The following SS18 variants were observed in gnomAD, a reference collection of about 807,000 sequenced individuals.
SS18 encodes protein SSXT.
A neutral mutation model predicts 72.5 loss-of-function variants in SS18; 28 were observed. The observed-to-expected ratio is 0.39, with a 90% confidence interval of 0.29 to 0.53. The LOEUF (loss-of-function observed/expected upper bound fraction) is 0.53, where lower values mean the gene tolerates loss of function less well. SS18 is among the 20% of genes least tolerant of loss of function. The pLI is 0.76. For missense variants in SS18, 518 were observed against 535.3 expected (o/e 0.97, Z 0.32); for synonymous variants, 172 against 164.2 (o/e 1.05, Z -0.37).
intron 2 of SS18, chr18:26,080,438 T>G (rs765346254): frequency 2.1e-6 from 2 of 955,524 alleles, no homozygotes; most frequent in Non-Finnish European, 2.5e-6. Context: ...AAGAAAAAAT[T>G]TTAGTATCAT....
intron 2 of SS18, among the ~76,000 whole-genome samples, chr18:26,080,927 T>C (rs2054506770): frequency 6.6e-6 from 1 of 151,982 alleles, no homozygotes; most frequent in African/African-American, 2.4e-5. Context: ...CATGGGGAAA[T>C]TAACATTGAT....
intron 5 of SS18, among the ~76,000 whole-genome samples, chr18:26,048,087 C>T (rs556577224): frequency 2.6e-5 from 4 of 152,226 alleles, no homozygotes; most frequent in South Asian, 2.1e-4. Context: ...TACAGTTTTC[C>T]GCTATATATT....
At chr18:26,031,700 G>A (rs1024779177) in intron 10 of SS18, among the ~76,000 whole-genome samples, 1 of 152,128 alleles carries the variant, frequency 6.6e-6, no homozygotes, top group African/African-American at 2.4e-5. Flanking sequence ...CCTAGGATGA[G>A]ATACACTTCT....
chr18:26,087,444 TA>T, intron 2 of SS18, 56 bp downstream of exon 2: 1 of 955,644 alleles, frequency 1.0e-6, no homozygotes. Flanking sequence ...TAGTAAAAAG[TA>T]AAAAATTAAC....
Position 26,035,181 on chromosome 18 carries a change from T to C in SS18, c.974-54A>G. On this transcript the variant is annotated intron_variant, in intron 8 of 10. Coordinates refer to ENST00000415083, the MANE Select transcript of SS18 (RefSeq NM_001007559.3). The surrounding 1 kb of genome is among the most constrained non-coding windows in gnomAD (Gnocchi z 4.4). The stretch of plus-strand genomic sequence containing the variant: ...AAACTGAGAAGTCTGCTTAAGTAAC[T>C]TTTTTCCCTCTAAGATGCATAGCCA... 4 of 1,589,666 alleles carry C rather than the reference T, an allele frequency of 2.5e-6. No individual in the cohort carries two copies. The highest frequency in any genetic ancestry group is 3.4e-6 in the Non-Finnish European group (4 of 1,165,368).
chr18:26,070,999 G>T (rs953814628), intron 3 of SS18, among the ~76,000 whole-genome samples: 2 of 151,972 alleles, frequency 1.3e-5, no homozygotes, highest in Non-Finnish European at 2.9e-5. Flanking sequence ...GGAACTCAAG[G>T]GATAGGTATA....
chr18:26,071,614 C>T (rs948796145), intron 3 of SS18, among the ~76,000 whole-genome samples: 2 of 152,006 alleles, frequency 1.3e-5, no homozygotes, highest in Admixed American at 6.6e-5. Context: ...GAGAATCACT[C>T]GAGGCCAGGA....
In SS18 at chr18:26,018,196, A is replaced by T. The variant is rs607404; in HGVS notation, c.*158T>A. On this transcript the variant is annotated 3_prime_UTR_variant, in exon 11 of 11. Coordinates refer to ENST00000415083, the MANE Select transcript of SS18 (RefSeq NM_001007559.3). ...AGCTACTAAAGCCTTTTATAACTAA[A>T]CCACAAAGGCTGCTTACTGATGAAA... 134,377 of 572,386 alleles carry T rather than the reference A, an allele frequency of 0.23. 18,809 individuals carry two copies. Among genetic ancestry groups the T allele is most frequent in the Non-Finnish European group, 0.29 (94,423 of 323,270 alleles). 35.5% of individuals were successfully genotyped at this position (572,386 alleles called of 1,614,324 possible).
At chr18:26,065,898 G>A (rs1434389884) in intron 3 of SS18, among the ~76,000 whole-genome samples, 1 of 144,862 alleles carries the variant, frequency 6.9e-6, no homozygotes, top group Non-Finnish European at 1.5e-5. Context: ...GGCAGAAAAG[G>A]GATATTTGGA....
chr18:26,064,131 T>C, intron 3 of SS18, among the ~76,000 whole-genome samples: 1 of 152,150 alleles, frequency 6.6e-6, no homozygotes, highest in East Asian at 1.9e-4. Context: ...AACAATCCTC[T>C]ATTTATTAGA....
intron 3 of SS18, among the ~76,000 whole-genome samples, chr18:26,075,835 G>C (rs1202914585): frequency 6.6e-6 from 1 of 151,860 alleles, no homozygotes; most frequent in Non-Finnish European, 1.5e-5. Flanking sequence ...AAAACTGAAA[G>C]CATCTACAGA....
At chr18:26,066,444 C>T (rs1276953970) in intron 3 of SS18, among the ~76,000 whole-genome samples, 1 of 152,072 alleles carries the variant, frequency 6.6e-6, no homozygotes, top group Non-Finnish European at 1.5e-5. Flanking sequence ...ACCCTCAAGC[C>T]GCCTTATCCG....
At chr18:26,036,495 A>G (rs932531104) in intron 7 of SS18, among the ~76,000 whole-genome samples, 1 of 152,210 alleles carries the variant, frequency 6.6e-6, no homozygotes, top group East Asian at 1.9e-4. Context: ...AAATCTTTAG[A>G]AAATATTTCA....
chr18:26,088,335 A>C (rs2054652548), intron 1 of SS18, among the ~76,000 whole-genome samples: 1 of 152,222 alleles, frequency 6.6e-6, no homozygotes, highest in Non-Finnish European at 1.5e-5. Context: ...AAATAAATAC[A>C]TGAAAACTTC....
intron 10 of SS18, among the ~76,000 whole-genome samples, chr18:26,019,541 T>C (rs1466242828): frequency 2.0e-5 from 3 of 152,244 alleles, no homozygotes; most frequent in East Asian, 3.9e-4. Context: ...CCAGGCATGG[T>C]GACTCACACC....
At chr18:26,056,156 C>A (rs1005282864) in intron 4 of SS18, among the ~76,000 whole-genome samples, 2 of 152,178 alleles carry the variant, frequency 1.3e-5, no homozygotes, top group African/African-American at 4.8e-5. Context: ...GAATATACTT[C>A]AGAAGGCCTT....
At chr18:26,088,341 ACTT>A (rs1345424185) in intron 1 of SS18, among the ~76,000 whole-genome samples, 1 of 152,156 alleles carries the variant, frequency 6.6e-6, no homozygotes. Flanking sequence ...ATACATGAAA[ACTT>A]CAGCCCAGGA....
upstream of SS18, chr18:26,090,731 C>T: frequency 2.8e-6 from 2 of 708,566 alleles, no homozygotes; most frequent in South Asian, 3.5e-5. Context: ...GAAGGAGGCA[C>T]TCTGGCCAGG....
intron 2 of SS18, among the ~76,000 whole-genome samples, chr18:26,087,105 A>T (rs187973632): frequency 2.2e-4 from 34 of 152,334 alleles, no homozygotes; most frequent in East Asian, 2.1e-3. Context: ...GAGGTACTGA[A>T]ACATGGTTCA....
Sources: allele counts gnomAD v4.1 joint callset (sites outside exome capture counted in the v4.1 genomes callset), GRCh38; gene constraint gnomAD v4.1.1; non-coding constraint Gnocchi (gnomAD v3.1); transcripts MANE v1.5; gene names NCBI Gene and HGNC (gene_info 2026-07-23, HGNC 2026-07-21).